The following LSM3 variants were observed in gnomAD, a reference collection of about 807,000 sequenced individuals.
LSM3 encodes LSM3 homolog, U6 small nuclear RNA and mRNA degradation associated, also known as U6 snRNA-associated Sm-like protein LSm3.
In LSM3, 14 loss-of-function variants were observed where a neutral mutation model predicts 15.4. The observed-to-expected ratio is 0.91, with a 90% CI of 0.60 to 1.42. The LOEUF (loss-of-function observed/expected upper bound fraction) is 1.42. LSM3 is among the 40% of genes most tolerant of loss of function. The pLI is 0.00. For synonymous variants in LSM3, 46 were observed against 45.1 expected (o/e 1.02, Z -0.08); for missense variants, 88 against 127.9 (o/e 0.69, Z 1.50).
chr3:14,189,276 T>C (rs1697117955), intron 3 of LSM3, among the ~76,000 whole-genome samples: 1 of 152,224 alleles, frequency 6.6e-6, no homozygotes, highest in South Asian at 2.1e-4. Context: ...TATGTATGTG[T>C]CTTTATAGTA....
chr3:14,179,734 C>CA (rs1175320901), intron 1 of LSM3, among the ~76,000 whole-genome samples: 6 of 152,166 alleles, frequency 3.9e-5, no homozygotes, highest in Non-Finnish European at 8.8e-5. Flanking sequence ...TGGAAACACT[C>CA]AAAAAATATT....
In LSM3 at chr3:14,181,648, G is replaced by A. The variant is rs1374497756; in HGVS notation, c.110G>A (p.Arg37Gln). Residue 37 changes from arginine (R) to glutamine (Q), a missense_variant, in exon 2 of 4, where the codon CGA becomes CAA. Physicochemically the swap from Arg to Gln is conservative, Grantham distance 43. Transcript: ENST00000306024. ...ATTTATGTGAAAATGAGAAATGACCGAGAGCTTCGAGGCAGATTACATGTA... is the reference window on the plus strand; with the variant it reads ...ATTTATGTGAAAATGAGAAATGACCAAGAGCTTCGAGGCAGATTACATGTA... ...ERIYVKMRND[R>Q]ELRGRLHAYD... is the part of the protein sequence containing the mutation. 2 of 1,613,280 alleles carry A rather than the reference G, an allele frequency of 1.2e-6. No individual in the cohort carries two copies. Among genetic ancestry groups the A allele is most frequent in the South Asian group, 1.1e-5 (1 of 91,060 alleles).
rs1198735746 is a variant in LSM3 at position 14,200,046 on chromosome 3, A to G, written c.*1930A>G. 1 of 152,172 alleles carries G rather than the reference A, an allele frequency of 6.6e-6. No individual in the cohort carries two copies. The highest frequency in any genetic ancestry group is 1.5e-5 in the Non-Finnish European group (1 of 68,032). 9.4% of individuals were successfully genotyped at this position (152,172 alleles called of 1,614,324 possible). ...CACTTTCTTCTCTTCATTCTTAGTT[A>G]TCTTTCTCCTTTTTCTCCTGGAACT... On this transcript the variant is annotated 3_prime_UTR_variant, in exon 4 of 4. Coordinates refer to ENST00000306024, the MANE Select transcript of LSM3 (RefSeq NM_014463.3).
chr3:14,193,352 G>A (rs1180757941), intron 3 of LSM3, among the ~76,000 whole-genome samples: 1 of 152,156 alleles, frequency 6.6e-6, no homozygotes, highest in Non-Finnish European at 1.5e-5. Context: ...AGTTCTCCTG[G>A]ATAATATCCT....
chr3:14,190,483 G>A (rs1323090343), intron 3 of LSM3, among the ~76,000 whole-genome samples: 2 of 152,146 alleles, frequency 1.3e-5, no homozygotes, highest in Non-Finnish European at 2.9e-5. Context: ...GCAGTGGTTT[G>A]TAGTTCTCCT....
chr3:14,183,421 G>T (rs1697058367), intron 2 of LSM3, among the ~76,000 whole-genome samples: 1 of 152,208 alleles, frequency 6.6e-6, no homozygotes, highest in Non-Finnish European at 1.5e-5. Flanking sequence ...AATGGGCAGG[G>T]TGTTGCTCTA....
At chr3:14,186,052 C>G (rs1697085738) in intron 3 of LSM3, among the ~76,000 whole-genome samples, 1 of 152,168 alleles carries the variant, frequency 6.6e-6, no homozygotes, top group African/African-American at 2.4e-5. Context: ...GCTGGGATTA[C>G]AGGCATGTGC....
At chr3:14,196,450 C>T (rs1386101271) in intron 3 of LSM3, among the ~76,000 whole-genome samples, 1 of 152,132 alleles carries the variant, frequency 6.6e-6, no homozygotes, top group Non-Finnish European at 1.5e-5. Flanking sequence ...AGAAACCTAT[C>T]CCCAAAGAAG....
chr3:14,179,203 G>A (rs937214554), intron 1 of LSM3, among the ~76,000 whole-genome samples: 5 of 152,176 alleles, frequency 3.3e-5, no homozygotes, highest in Non-Finnish European at 7.3e-5. Flanking sequence ...TCATTAGTGA[G>A]CGCAACAATT....
chr3:14,188,340 C>A (rs1397553859), intron 3 of LSM3, among the ~76,000 whole-genome samples: 1 of 152,194 alleles, frequency 6.6e-6, no homozygotes. Context: ...CATGCTGAGA[C>A]CATATGGTCC....
chr3:14,190,178 C>T (rs558941500), intron 3 of LSM3, among the ~76,000 whole-genome samples: 268 of 152,260 alleles, frequency 1.8e-3, no homozygotes, highest in African/African-American at 6.3e-3. Flanking sequence ...GGTACCAGTA[C>T]CATGCTGTTT....
intron 2 of LSM3, 149 bp from the exon 3 acceptor site, chr3:14,183,788 T>C (rs879670889): frequency 9.5e-6 from 5 of 528,906 alleles, no homozygotes; most frequent in Non-Finnish European, 1.7e-5. Flanking sequence ...ATATTAGTAC[T>C]GTAGGATTAC....
At position 14,198,326 on chromosome 3, in the gene LSM3, A is replaced by T. The variant is rs912794518; in HGVS notation, c.*210A>T. 13 of 512,502 alleles carry T rather than the reference A, an allele frequency of 2.5e-5. No homozygotes were observed. The highest frequency in any genetic ancestry group is 1.7e-4 in the Admixed American group (5 of 29,138). 31.7% of individuals were successfully genotyped at this position (512,502 alleles called of 1,614,324 possible). A position where few individuals can be genotyped will look rare whatever the true frequency, so the allele number is the denominator to read the frequency against. ...TCATTTTTCTCAAGCTCTCCAATAA[A>T]TATGACCACCAAGATGCAGAACTCT... On this transcript the variant is annotated 3_prime_UTR_variant, in exon 4 of 4. Coordinates refer to ENST00000306024, the MANE Select transcript of LSM3 (RefSeq NM_014463.3).
intron 3 of LSM3, among the ~76,000 whole-genome samples, chr3:14,193,241 G>A (rs570357586): frequency 1.3e-5 from 2 of 152,276 alleles, no homozygotes; most frequent in African/African-American, 4.8e-5. Context: ...CGGTGAATCT[G>A]ATGATTATGT....
chr3:14,198,668 G>A lies in LSM3; in HGVS notation c.*552G>A. The A allele has an allele frequency of 6.5e-6, 1 of 152,948 alleles. No individual in the cohort carries two copies. Among genetic ancestry groups the A allele is most frequent in the Admixed American group, 6.5e-5 (1 of 15,382 alleles). 9.5% of individuals were successfully genotyped at this position (152,948 alleles called of 1,614,324 possible). On this transcript the variant is annotated 3_prime_UTR_variant, in exon 4 of 4. Transcript: ENST00000306024. ...GAGGTCAGGCGTTTGAGACCAGCCT[G>A]GCCAACATGGTGAAACCCTTTCTCT...
In LSM3 at chr3:14,178,882, G is replaced by T. The variant is rs113749601; in HGVS notation, c.21+1G>T. On this transcript the variant is annotated splice_donor_variant, in intron 1 of 3. Transcript: ENST00000306024. LOFTEE classifies it high-confidence loss of function. ...AAACATGGCGGACGACGTAGACCAG[G>T]TAAGTGTATTTTAAGGAGGTCGCTC... 12 of 1,614,034 alleles carry T rather than the reference G, an allele frequency of 7.4e-6. No homozygotes were observed. The highest frequency in any genetic ancestry group is 2.2e-5 in the South Asian group (2 of 91,090).
rs1164053022 is a variant in LSM3 at position 14,198,585 on chromosome 3, A to G, written c.*469A>G. On this transcript the variant is annotated 3_prime_UTR_variant, in exon 4 of 4. Transcript: ENST00000306024. ...TATCAAAATGCTTTCTGGGCCAGACATGGTGGCTCATGCCTGTAATCCCAG... is the reference window on the plus strand; with the variant it reads ...TATCAAAATGCTTTCTGGGCCAGACGTGGTGGCTCATGCCTGTAATCCCAG... 1.3e-5 allele frequency: 2 copies of G among 157,998 alleles called. No homozygotes were observed. The highest frequency in any genetic ancestry group is 2.8e-5 in the Non-Finnish European group (2 of 72,010). 9.8% of individuals were successfully genotyped at this position (157,998 alleles called of 1,614,324 possible). A position where few individuals can be genotyped will look rare whatever the true frequency, so the allele number is the denominator to read the frequency against.
chr3:14,190,622 AT>A (rs920520142), intron 3 of LSM3, among the ~76,000 whole-genome samples: 6 of 152,174 alleles, frequency 3.9e-5, no homozygotes, highest in African/African-American at 1.4e-4. Context: ...AATGCTTGTG[AT>A]TTTTGCACAT....
chr3:14,191,964 G>A lies in LSM3; in HGVS notation c.229-6072G>A, dbSNP rs574106373. Among the ~76,000 whole-genome samples, 26 of 152,252 alleles carry A rather than the reference G, an allele frequency of 1.7e-4. No individual in the cohort carries two copies. In the South Asian group the frequency reaches 4.8e-3, roughly 28 times the overall value. ...AACACTGCTTTAAATGTGTCCCAGA[G>A]ATTCTGGTACGTTGTGTCTTCATTC... On this transcript the variant is annotated intron_variant, in intron 3 of 3. Transcript: ENST00000306024.
Sources: allele counts gnomAD v4.1 joint callset (sites outside exome capture counted in the v4.1 genomes callset), GRCh38; gene constraint gnomAD v4.1.1; transcripts MANE v1.5; gene names NCBI Gene and HGNC (gene_info 2026-07-23, HGNC 2026-07-21).